The following ESR1 variants were observed in gnomAD, a reference collection of about 807,000 sequenced individuals.
ESR1 encodes the protein estrogen receptor.
In ESR1, 12 loss-of-function variants were observed where a neutral mutation model predicts 52.7. The ratio of observed to expected loss-of-function variants is 0.23; its 90% CI spans 0.15 to 0.37. The LOEUF (loss-of-function observed/expected upper bound fraction) is 0.37. ESR1 is among the 10% of genes least tolerant of loss of function. ESR1 has a pLI of 1.00. For synonymous variants in ESR1, 305 were observed against 316.8 expected (o/e 0.96, Z 0.39); for missense variants, 584 against 779.7 (o/e 0.75, Z 2.99).
At chr6:151,913,440 CTT>C (rs1190389997) in intron 3 of ESR1, among the ~76,000 whole-genome samples, 2 of 152,170 alleles carry the variant, frequency 1.3e-5, no homozygotes, top group Admixed American at 6.5e-5. Flanking sequence ...CATGCATACA[CTT>C]TATTTTTAAC....
chr6:152,052,262 A>C (rs2046745988), intron 5 of ESR1, among the ~76,000 whole-genome samples: 1 of 152,108 alleles, frequency 6.6e-6, no homozygotes. Context: ...ATCCACCCCG[A>C]ACACCTCCCA....
At chr6:151,889,059 C>T (rs1387979222) in intron 3 of ESR1, among the ~76,000 whole-genome samples, 1 of 152,040 alleles carries the variant, frequency 6.6e-6, no homozygotes, top group Non-Finnish European at 1.5e-5. Context: ...TCATGACAAT[C>T]AATTTTGCTA....
chr6:151,870,154 A>G (rs1320789586), intron 2 of ESR1, among the ~76,000 whole-genome samples: 2 of 152,134 alleles, frequency 1.3e-5, no homozygotes, highest in East Asian at 1.9e-4. Context: ...CAGAATATAA[A>G]TTTCTTATTT....
At chr6:151,678,227 C>A (rs992389387) in intron 1 of ESR1, among the ~76,000 whole-genome samples, 3 of 152,122 alleles carry the variant, frequency 2.0e-5, no homozygotes, top group African/African-American at 7.2e-5. Flanking sequence ...AATCCCAGCA[C>A]TTTGGGAAGC....
At chr6:152,025,157 A>G (rs1447899822) in intron 5 of ESR1, among the ~76,000 whole-genome samples, 3 of 150,750 alleles carry the variant, frequency 2.0e-5, no homozygotes, top group Admixed American at 2.0e-4. Context: ...CAAAATTCAT[A>G]AGAAAGTTTG....
At chr6:151,780,355 A>G (rs376737232) in intron 2 of ESR1, among the ~76,000 whole-genome samples, 1 of 152,090 alleles carries the variant, frequency 6.6e-6, no homozygotes, top group African/African-American at 2.4e-5. Context: ...CTTAAGGTAT[A>G]ATAAAAAAGA....
chr6:151,975,406 T>C (rs2039346476), intron 4 of ESR1, among the ~76,000 whole-genome samples: 1 of 152,106 alleles, frequency 6.6e-6, no homozygotes, highest in Non-Finnish European at 1.5e-5. Flanking sequence ...GATGTATTAG[T>C]TAGGGTTCTC....
chr6:151,669,189 ATG>A (rs1186517619), intron 1 of ESR1, among the ~76,000 whole-genome samples: 1,516 of 86,938 alleles, frequency 0.017, 132 homozygotes, highest in Non-Finnish European at 0.028. Context: ...AGAGAGAGAG[ATG>A]GGAATCCAGG....
chr6:151,756,308 C>T (rs572749122), intron 2 of ESR1, among the ~76,000 whole-genome samples: 24 of 152,246 alleles, frequency 1.6e-4, no homozygotes, highest in East Asian at 1.6e-3. Context: ...AGCGCAGTGG[C>T]GCAATCTTGG....
intron 4 of ESR1, among the ~76,000 whole-genome samples, chr6:151,997,194 T>A (rs564321215): frequency 6.6e-6 from 1 of 152,260 alleles, no homozygotes; most frequent in South Asian, 2.1e-4. Flanking sequence ...CTGATCAGTC[T>A]TTGTAGGAAG....
chr6:152,014,648 C>T (rs2043030306), intron 5 of ESR1, among the ~76,000 whole-genome samples: 1 of 152,126 alleles, frequency 6.6e-6, no homozygotes, highest in South Asian at 2.1e-4. Context: ...ATCAAGTCAT[C>T]TATGAACTGC....
At chr6:151,749,779 A>G (rs1459400455) in intron 2 of ESR1, among the ~76,000 whole-genome samples, 2 of 152,142 alleles carry the variant, frequency 1.3e-5, no homozygotes, top group African/African-American at 4.8e-5. Context: ...TGCTACTCTG[A>G]TATTTTTAGC....
At chr6:151,743,626 C>T (rs949032626) in intron 2 of ESR1, among the ~76,000 whole-genome samples, 2 of 152,132 alleles carry the variant, frequency 1.3e-5, no homozygotes, top group African/African-American at 4.8e-5. Flanking sequence ...TTACAGAGAT[C>T]ACAGTAACAG....
intron 2 of ESR1, among the ~76,000 whole-genome samples, chr6:151,717,590 T>C (rs977417654): frequency 3.3e-5 from 5 of 152,154 alleles, no homozygotes; most frequent in Admixed American, 2.0e-4. Context: ...CTTTTTAGCA[T>C]AAAGCTAATC....
chr6:151,738,764 T>G (rs1220454566), intron 2 of ESR1, among the ~76,000 whole-genome samples: 2 of 152,174 alleles, frequency 1.3e-5, no homozygotes, highest in Non-Finnish European at 2.9e-5. Context: ...ATTTGTGAAA[T>G]AATTTCTAAT....
At position 151,868,280 on chromosome 6, in the gene ESR1, A is replaced by T. The variant is rs570393302; in HGVS notation, c.644-12375A>T. Among the ~76,000 whole-genome samples the T allele has an allele frequency of 9.2e-5, 14 of 152,132 alleles. No individual in the cohort carries two copies. The South Asian group carries it at 2.9e-3, about 32-fold the overall frequency. On this transcript the variant is annotated intron_variant, in intron 2 of 7. Transcript: ENST00000206249. ...GTAGCTGGGACTACAGGCGTACACC[A>T]CCATGCCCGGCTAATTTTTGTATTT...
chr6:151,916,016 A>G (rs2030060508), intron 3 of ESR1, among the ~76,000 whole-genome samples: 1 of 152,236 alleles, frequency 6.6e-6, no homozygotes, highest in Non-Finnish European at 1.5e-5. Context: ...TGGCAATTGT[A>G]AGCAAAGGAT....
At chr6:151,789,647 A>C (rs1422498747) in intron 2 of ESR1, among the ~76,000 whole-genome samples, 1 of 152,222 alleles carries the variant, frequency 6.6e-6, no homozygotes, top group African/African-American at 2.4e-5. Flanking sequence ...AACGTAAAAC[A>C]AATCTCAAGA....
chr6:152,098,583 T>C lies in ESR1; in HGVS notation c.1554-149T>C. The C allele has an allele frequency of 1.4e-6, 1 of 722,248 alleles. No individual in the cohort carries two copies. Among genetic ancestry groups the C allele is most frequent in the Non-Finnish European group, 2.4e-6 (1 of 410,464 alleles). The allele number at this position is 722,248 out of a possible 1,614,324, so 44.7% of individuals were successfully genotyped here. On this transcript the variant is annotated intron_variant, in intron 7 of 7. Coordinates refer to ENST00000206249, the MANE Select transcript of ESR1 (RefSeq NM_000125.4). This position sits in a 1 kb window ranked among gnomAD's most constrained non-coding sequence, Gnocchi z 5.1. ...TCTGAAAGCCCTCAGCTTTCCCAGC[T>C]CCCATCCTAAAGTGGGTCTTTAAAC... is the stretch of plus-strand genomic sequence containing the variant.
Sources: allele counts gnomAD v4.1 joint callset (sites outside exome capture counted in the v4.1 genomes callset), GRCh38; gene constraint gnomAD v4.1.1; non-coding constraint Gnocchi (gnomAD v3.1); transcripts MANE v1.5; gene names NCBI Gene and HGNC (gene_info 2026-07-23, HGNC 2026-07-21).